Variants in CRB1 observed in about 807,000 individuals in gnomAD.
CRB1 encodes protein crumbs homolog 1.
CRB1 carries 83 observed loss-of-function variants against 120.0 expected under a neutral mutation model. The ratio of observed to expected loss-of-function variants is 0.69; its 90% CI spans 0.58 to 0.83. CRB1 has a LOEUF of 0.83. CRB1 is among the 40% of genes least tolerant of loss of function. The probability of loss-of-function intolerance (pLI) is 0.00; values close to 1 mark genes in which losing one functional copy is unlikely to be tolerated. For synonymous variants in CRB1, 625 were observed against 612.5 expected, an observed-to-expected ratio of 1.02 and a Z score of -0.30; for missense variants, 1,699 against 1,687.6, an observed-to-expected ratio of 1.01 and a Z score of -0.12.
chr1:197,245,647 T>C, the CRB1 span, among the ~76,000 whole-genome samples: 3 of 152,054 alleles, frequency 2.0e-5, no homozygotes, highest in Non-Finnish European at 4.4e-5. Context: ...TTTTTGCTGT[T>C]ATGAATAATT....
chr1:197,333,963 T>C (rs369890783), intron 2 of CRB1, among the ~76,000 whole-genome samples: 1 of 152,222 alleles, frequency 6.6e-6, no homozygotes, highest in East Asian at 1.9e-4. Flanking sequence ...AAAACTCTGA[T>C]ATGAAACAAA....
chr1:197,439,283 G>A (rs1166992161), intron 10 of CRB1: 1 of 157,232 alleles, frequency 6.4e-6, no homozygotes, highest in East Asian at 1.9e-4. Context: ...GCTGCTTAAA[G>A]GGATTTATGT....
chr1:197,449,362 ATTTT>A (rs1449211170), intron 11 of CRB1, among the ~76,000 whole-genome samples: 1 of 151,812 alleles, frequency 6.6e-6, no homozygotes, highest in Non-Finnish European at 1.5e-5. Flanking sequence ...TATTATTATT[ATTTT>A]ATTTTATTTT....
the CRB1 span, among the ~76,000 whole-genome samples, chr1:197,237,326 C>A: frequency 6.6e-6 from 1 of 152,044 alleles, no homozygotes; most frequent in Non-Finnish European, 1.5e-5. Flanking sequence ...GCTGAGAAGT[C>A]GAAGATCAAG....
At chr1:197,222,975 G>T in the CRB1 span, 225 of 819,568 alleles carry the variant, frequency 2.7e-4, 3 homozygotes, top group South Asian at 2.8e-3. Flanking sequence ...AATCTTTACA[G>T]TGGGAATGCA....
intron 1 of CRB1, among the ~76,000 whole-genome samples, chr1:197,297,526 C>A (rs1013055596): frequency 1.3e-5 from 2 of 151,978 alleles, no homozygotes; most frequent in Non-Finnish European, 2.9e-5. Context: ...TGAAAGATGA[C>A]CAGTAGCGTT....
intron 4 of CRB1, among the ~76,000 whole-genome samples, chr1:197,354,814 CCCGCCCCCCCA>C (rs1660354095): frequency 7.8e-4 from 6 of 7,706 alleles, no homozygotes; most frequent in Non-Finnish European, 2.1e-3. Context: ...TTATCTGCCC[CCCGCCCCCCCA>C]CCCCCCCCCC....
intron 3 of CRB1, among the ~76,000 whole-genome samples, chr1:197,345,303 A>C (rs1050240401): frequency 6.6e-6 from 1 of 152,090 alleles, no homozygotes; most frequent in African/African-American, 2.4e-5. Flanking sequence ...ATATTACAAT[A>C]AGGAGTCTAA....
chr1:197,224,496 A>G, the CRB1 span, among the ~76,000 whole-genome samples: 1 of 152,172 alleles, frequency 6.6e-6, no homozygotes, highest in African/African-American at 2.4e-5. Context: ...CAAGACACTA[A>G]CATAGAATGC....
chr1:197,324,160 A>T (rs1658362650), intron 1 of CRB1, among the ~76,000 whole-genome samples: 1 of 152,138 alleles, frequency 6.6e-6, no homozygotes, highest in Non-Finnish European at 1.5e-5. Flanking sequence ...AGTTTGCATG[A>T]GTATTAATTG....
At chr1:197,229,430 C>T in the CRB1 span, among the ~76,000 whole-genome samples, 5 of 152,074 alleles carry the variant, frequency 3.3e-5, no homozygotes, top group Admixed American at 3.3e-4. Flanking sequence ...TTTTCCCTTC[C>T]CCCAATCTTA....
intron 5 of CRB1, among the ~76,000 whole-genome samples, chr1:197,378,677 A>G (rs923235439): frequency 1.3e-5 from 2 of 152,054 alleles, no homozygotes; most frequent in African/African-American, 4.8e-5. Context: ...CAGATAATCT[A>G]CTGCTGAAGC....
At chr1:197,455,441 C>G (rs532182204) in intron 11 of CRB1, among the ~76,000 whole-genome samples, 1 of 152,120 alleles carries the variant, frequency 6.6e-6, no homozygotes, top group Non-Finnish European at 1.5e-5. Flanking sequence ...AGTATGCACC[C>G]AGATACCATG....
intron 8 of CRB1, among the ~76,000 whole-genome samples, chr1:197,431,473 A>T (rs1480267240): frequency 1.3e-5 from 2 of 152,178 alleles, no homozygotes; most frequent in Non-Finnish European, 2.9e-5. Context: ...TAATTTCTTA[A>T]TTATTAATTT....
chr1:197,448,491 A>C (rs1665807159), intron 11 of CRB1, among the ~76,000 whole-genome samples: 1 of 152,060 alleles, frequency 6.6e-6, no homozygotes, highest in African/African-American at 2.4e-5. Context: ...TGTGACACAA[A>C]CTGTCTCCAA....
Position 197,420,797 on chromosome 1 carries a change from T to C in CRB1, c.1172-203T>C, listed in dbSNP as rs552679036. ...TAGAGGAAGAATACAAAGCCTGCCA[T>C]GACTGCATCTTTTTTCTTCATGACA... On this transcript the variant is annotated intron_variant, in intron 5 of 11. Transcript: ENST00000367400. Among the ~76,000 whole-genome samples the C allele has an allele frequency of 3.3e-5, 5 of 152,336 alleles. No homozygotes were observed. The East Asian group carries it at 9.6e-4, about 29-fold the overall frequency.
chr1:197,384,333 G>A (rs1233988115), intron 5 of CRB1, among the ~76,000 whole-genome samples: 2 of 152,064 alleles, frequency 1.3e-5, no homozygotes, highest in East Asian at 1.9e-4. Flanking sequence ...CCAGGTGGTC[G>A]TGCTATTACC....
chr1:197,241,503 A>G, the CRB1 span, among the ~76,000 whole-genome samples: 1 of 152,022 alleles, frequency 6.6e-6, no homozygotes, highest in Admixed American at 6.6e-5. Context: ...CAAAGTTCGG[A>G]TGGTTGTAGA....
intron 1 of CRB1, among the ~76,000 whole-genome samples, chr1:197,314,095 T>C (rs1211559808): frequency 6.6e-6 from 1 of 152,222 alleles, no homozygotes; most frequent in African/African-American, 2.4e-5. Flanking sequence ...TGGCCATTAT[T>C]AATTCAGAAT....
Sources: gnomAD v4.1 joint callset for allele counts (sites outside exome capture counted in the v4.1 genomes callset) on GRCh38, gnomAD v4.1.1 for gene constraint, MANE v1.5 for transcripts, NCBI Gene and HGNC (gene_info 2026-07-23, HGNC 2026-07-21) for gene names.